The following GNAO1 variants were observed in gnomAD, a reference collection of about 807,000 sequenced individuals.
The protein encoded by GNAO1 is G protein subunit alpha o1, also known as guanine nucleotide-binding protein G(o) subunit alpha.
For synonymous variants in GNAO1, 164 were observed against 180.7 expected, an observed-to-expected ratio of 0.91 and a Z score of 0.74; for missense variants, 166 against 478.7, an observed-to-expected ratio of 0.35 and a Z score of 6.10.
At chr16:56,224,529 G>A (rs1454625694) in intron 2 of GNAO1, among the ~76,000 whole-genome samples, 3 of 152,200 alleles carry the variant, frequency 2.0e-5, no homozygotes, top group Non-Finnish European at 2.9e-5. Context: ...CCAGGCTGGA[G>A]TGCAATGTTG....
intron 4 of GNAO1, among the ~76,000 whole-genome samples, chr16:56,330,921 G>A (rs1325348043): frequency 6.6e-6 from 1 of 152,218 alleles, no homozygotes; most frequent in Non-Finnish European, 1.5e-5. Flanking sequence ...GGCCTTCCGT[G>A]TCTCCCCTCT....
intron 3 of GNAO1, among the ~76,000 whole-genome samples, chr16:56,285,341 ACTGAAGTGGCCCC>A (rs1459337589): frequency 4.6e-5 from 7 of 151,876 alleles, no homozygotes; most frequent in Non-Finnish European, 8.8e-5. Flanking sequence ...CGGCATCAGG[ACTGAAGTGGCCCC>A]CACCAATCTT....
intron 2 of GNAO1, among the ~76,000 whole-genome samples, chr16:56,243,136 A>G (rs1197432905): frequency 6.6e-6 from 1 of 151,988 alleles, no homozygotes; most frequent in African/African-American, 2.4e-5. Context: ...TAGTTGCAGG[A>G]AAACAAGCTC....
At chr16:56,226,575 G>A (rs553052469) in intron 2 of GNAO1, 7 of 152,348 alleles carry the variant, frequency 4.6e-5, no homozygotes. Context: ...TACTGAGGTA[G>A]GAAAGACTAG....
At chr16:56,233,469 G>T (rs1286078811) in intron 2 of GNAO1, among the ~76,000 whole-genome samples, 1 of 152,196 alleles carries the variant, frequency 6.6e-6, no homozygotes, top group African/African-American at 2.4e-5. Context: ...CTTGCTGTAG[G>T]CCAAGGCTTT....
At chr16:56,324,759 G>A (rs1324899762) in intron 3 of GNAO1, among the ~76,000 whole-genome samples, 10 of 152,254 alleles carry the variant, frequency 6.6e-5, no homozygotes, top group Non-Finnish European at 1.2e-4. Flanking sequence ...GGTTGTTGGC[G>A]ATACTGACCC....
intron 6 of GNAO1, chr16:56,343,842 C>A: frequency 1.2e-6 from 2 of 1,613,838 alleles, no homozygotes; most frequent in Non-Finnish European, 1.7e-6. Flanking sequence ...ACAAAGAGAT[C>A]TACACCCACG....
chr16:56,345,637 G>A (rs1248045919), intron 6 of GNAO1: 9 of 985,380 alleles, frequency 9.1e-6, no homozygotes, highest in Middle Eastern at 5.2e-4. Flanking sequence ...TGTTCACCTC[G>A]GTCATGTTTT....
At chr16:56,207,600 C>T (rs180989590) in intron 2 of GNAO1, among the ~76,000 whole-genome samples, 1,683 of 152,258 alleles carry the variant, frequency 0.011, 30 homozygotes, top group South Asian at 0.052. Flanking sequence ...TGCTTAAATA[C>T]AATTGTTGAT....
At chr16:56,272,025 A>G (rs1192268013) in intron 2 of GNAO1, among the ~76,000 whole-genome samples, 2 of 152,226 alleles carry the variant, frequency 1.3e-5, no homozygotes, top group African/African-American at 4.8e-5. Flanking sequence ...AGAAAAAAAG[A>G]AGAGGAATGT....
At chr16:56,322,404 G>A (rs1169670282) in intron 3 of GNAO1, among the ~76,000 whole-genome samples, 1 of 152,206 alleles carries the variant, frequency 6.6e-6, no homozygotes, top group Admixed American at 6.5e-5. Context: ...CATAGGCCCA[G>A]GAGGAGCCTT....
rs564364227 is a variant in GNAO1, at chr16:56,201,645, G to A, written c.161+9029G>A. 2.0e-5 allele frequency among the ~76,000 whole-genome samples: 3 copies of A among 152,284 alleles called. No homozygotes were observed. The East Asian group carries it at 5.8e-4, about 29-fold the overall frequency. On this transcript the variant is annotated intron_variant, in intron 2 of 8. Coordinates refer to ENST00000262493, the MANE Select transcript of GNAO1 (RefSeq NM_020988.3). Reference sequence around the variant, plus strand: ...AAGTTAAAGCAGTGGTAGTGTGGGTGGGGAAAGGAAACAGATTCAAGAGAT... The same window carrying A: ...AAGTTAAAGCAGTGGTAGTGTGGGTAGGGAAAGGAAACAGATTCAAGAGAT...
intron 2 of GNAO1, among the ~76,000 whole-genome samples, chr16:56,241,353 T>C (rs76464553): frequency 0.13 from 19,639 of 152,206 alleles, 1,602 homozygotes; most frequent in African/African-American, 0.22. Flanking sequence ...CAGCACTGAC[T>C]GCACACAGCA....
At chr16:56,207,856 T>G (rs2036345019) in intron 2 of GNAO1, among the ~76,000 whole-genome samples, 1 of 152,206 alleles carries the variant, frequency 6.6e-6, no homozygotes, top group Admixed American at 6.5e-5. Context: ...TACATTAATC[T>G]TATATGTTTT....
chr16:56,319,195 AG>A (rs2037545869), intron 3 of GNAO1, among the ~76,000 whole-genome samples: 1 of 152,218 alleles, frequency 6.6e-6, no homozygotes, highest in Non-Finnish European at 1.5e-5. Flanking sequence ...TTACCATCCC[AG>A]TTTCACACAA....
chr16:56,265,336 T>C (rs1191801349), intron 2 of GNAO1, among the ~76,000 whole-genome samples: 3 of 152,238 alleles, frequency 2.0e-5, no homozygotes, highest in Non-Finnish European at 4.4e-5. Context: ...CTTATGCATG[T>C]CCACAGCTCC....
chr16:56,198,010 A>G (rs1428003224), intron 2 of GNAO1, among the ~76,000 whole-genome samples: 1 of 152,198 alleles, frequency 6.6e-6, no homozygotes, highest in Non-Finnish European at 1.5e-5. Context: ...GATCTGAAAG[A>G]CAACAGAAAA....
rs114275644 is a variant in GNAO1 at position 56,332,711 on chromosome 16, A to G, written c.465-2018A>G. ...CTCCCACACCTTGCCCACCCTCCAC[A>G]GCCGTCTCCTTGCATGAGGCTCGGC... On this transcript the variant is annotated intron_variant, in intron 4 of 8. Transcript: ENST00000262493. Among the ~76,000 whole-genome samples, 462 of 152,280 alleles carry G rather than the reference A, an allele frequency of 3.0e-3. 1 individual carries two copies. Among genetic ancestry groups the G allele is most frequent in the African/African-American group, 1.0e-2 (415 of 41,566 alleles).
intron 2 of GNAO1, among the ~76,000 whole-genome samples, chr16:56,252,737 A>C (rs1419428188): frequency 6.6e-6 from 1 of 152,178 alleles, no homozygotes; most frequent in Non-Finnish European, 1.5e-5. Flanking sequence ...GGAATGCTCA[A>C]GTAGACCCTT....
Sources: gnomAD v4.1 joint callset for allele counts (sites outside exome capture counted in the v4.1 genomes callset) on GRCh38, gnomAD v4.1.1 for gene constraint, MANE v1.5 for transcripts, NCBI Gene and HGNC (gene_info 2026-07-23, HGNC 2026-07-21) for gene names.